CDK14: variants seen among roughly 807,000 people sequenced by gnomAD.
CDK14 encodes the protein cyclin-dependent kinase 14.
Under a neutral mutation model 60.7 loss-of-function variants are expected in CDK14, and 34 were observed. That is an observed-to-expected ratio of 0.56 (90% CI 0.43 to 0.75). CDK14 has a LOEUF of 0.75. Among genes scored for constraint, CDK14 ranks in the 30% least tolerant of loss-of-function variants. The probability of loss-of-function intolerance (pLI) is 0.00; values close to 1 mark genes in which losing one functional copy is unlikely to be tolerated. For missense variants in CDK14, 482 were observed against 564.1 expected (o/e 0.85, Z 1.47); for synonymous variants, 197 against 203.7 (o/e 0.97, Z 0.28).
chr7:90,675,982 A>G (rs1379415833), intron 2 of CDK14, among the ~76,000 whole-genome samples: 1 of 152,252 alleles, frequency 6.6e-6, no homozygotes, highest in Non-Finnish European at 1.5e-5. Flanking sequence ...ACTACAGTTC[A>G]TCAAGAAGGC....
intron 4 of CDK14, among the ~76,000 whole-genome samples, chr7:90,777,653 C>T (rs1020681320): frequency 6.6e-6 from 1 of 152,256 alleles, no homozygotes; most frequent in South Asian, 2.1e-4. Context: ...TGCAAAAGCT[C>T]GGCCCATCCC....
At chr7:91,089,075 CT>C (rs1279479639) in intron 12 of CDK14, among the ~76,000 whole-genome samples, 1 of 152,134 alleles carries the variant, frequency 6.6e-6, no homozygotes, top group African/African-American at 2.4e-5. Flanking sequence ...AAAGATTAAA[CT>C]TTTAGGGATA....
At position 91,063,901 on chromosome 7, in the gene CDK14, G is replaced by GT. The variant is rs201169521; in HGVS notation, c.1106-15523dup. Among the ~76,000 whole-genome samples the GT allele has an allele frequency of 7.7e-4, 117 of 151,912 alleles. 1 individual carries two copies. In the East Asian group the frequency reaches 0.02, roughly 26 times the overall value. ...TATTAATAGCTAACAGATACTGAGT[G>GT]TTTTTTTTATGTGTCAGGGACTTAT... On this transcript the variant is annotated intron_variant, in intron 11 of 14. Transcript: ENST00000380050.
At chr7:90,642,445 C>T (rs1800361057) in intron 2 of CDK14, among the ~76,000 whole-genome samples, 1 of 152,088 alleles carries the variant, frequency 6.6e-6, no homozygotes, top group Non-Finnish European at 1.5e-5. Flanking sequence ...AATTTCTATA[C>T]CTGCTAATTT....
At chr7:90,657,107 C>G (rs1217865164) in intron 2 of CDK14, among the ~76,000 whole-genome samples, 7 of 152,048 alleles carry the variant, frequency 4.6e-5, no homozygotes, top group Non-Finnish European at 1.0e-4. Context: ...ATTCCTGTTT[C>G]TCATTTATGT....
At chr7:90,864,414 T>G (rs151091946) in intron 6 of CDK14, among the ~76,000 whole-genome samples, 1 of 152,318 alleles carries the variant, frequency 6.6e-6, no homozygotes, top group Non-Finnish European at 1.5e-5. Flanking sequence ...TCCAGCTGAT[T>G]TAGACTTGGA....
At chr7:90,866,365 A>G (rs1467674320) in intron 6 of CDK14, among the ~76,000 whole-genome samples, 1 of 152,076 alleles carries the variant, frequency 6.6e-6, no homozygotes, top group Non-Finnish European at 1.5e-5. Context: ...AGAATTATTA[A>G]CATCAAAGAT....
intron 14 of CDK14, among the ~76,000 whole-genome samples, chr7:91,127,372 A>G (rs1163655021): frequency 6.6e-6 from 1 of 152,178 alleles, no homozygotes. Flanking sequence ...AATTGCGGCA[A>G]TTCGACAGAA....
intron 2 of CDK14, among the ~76,000 whole-genome samples, chr7:90,640,766 G>A (rs957577973): frequency 1.3e-5 from 2 of 151,806 alleles, no homozygotes; most frequent in South Asian, 4.2e-4. Context: ...ACCATTGAAA[G>A]CCTCTGTGGC....
intron 8 of CDK14, among the ~76,000 whole-genome samples, chr7:90,949,167 T>C (rs1794182645): frequency 1.3e-5 from 2 of 151,756 alleles, no homozygotes; most frequent in African/African-American, 4.9e-5. Context: ...ATTATATATA[T>C]GTGTGTGTGT....
chr7:90,610,623 T>G (rs1799520328), intron 2 of CDK14, among the ~76,000 whole-genome samples: 1 of 152,216 alleles, frequency 6.6e-6, no homozygotes, highest in Admixed American at 6.5e-5. Context: ...GTTGGTTCTT[T>G]CAGAGGACTG....
At position 90,668,699 on chromosome 7, in the gene CDK14, C is replaced by CTTTTTTTTTTTTTTTTTTTTT. The variant is rs59773768; in HGVS notation, c.124-57861_124-57841dup. Among the ~76,000 whole-genome samples the CTTTTTTTTTTTTTTTTTTTTT allele has an allele frequency of 6.9e-5, 6 of 87,536 alleles. 2 individuals are homozygous for CTTTTTTTTTTTTTTTTTTTTT. Among genetic ancestry groups the CTTTTTTTTTTTTTTTTTTTTT allele is most frequent in the Non-Finnish European group, 6.7e-5 (3 of 44,624 alleles). 57.4% of individuals were successfully genotyped at this position (87,536 alleles called of 152,430 possible). Reference sequence around the variant, plus strand: ...TATGGTGTAAGGAAGGACTCGCATTCTTTTTTTTTTTTTTTTTTTTTTTTT... The same window carrying CTTTTTTTTTTTTTTTTTTTTT: ...TATGGTGTAAGGAAGGACTCGCATTCTTTTTTTTTTTTTTTTTTTTTTTTTTTTTTTTTTTTTTTTTTTTTT... On this transcript the variant is annotated intron_variant, in intron 2 of 14. Transcript: ENST00000380050.
chr7:91,188,711 T>C (rs184538641), intron 14 of CDK14, among the ~76,000 whole-genome samples: 51 of 152,244 alleles, frequency 3.3e-4, no homozygotes, highest in Admixed American at 2.7e-3. Flanking sequence ...GAGAAACTAG[T>C]CATTGGATTA....
At chr7:91,055,168 A>G (rs536398993) in intron 11 of CDK14, among the ~76,000 whole-genome samples, 8 of 152,318 alleles carry the variant, frequency 5.3e-5, no homozygotes, top group African/African-American at 1.9e-4. Context: ...TTTTCCTCAT[A>G]GGTCCATAGC....
intron 2 of CDK14, among the ~76,000 whole-genome samples, chr7:90,690,759 A>T (rs1801536476): frequency 6.6e-6 from 1 of 152,146 alleles, no homozygotes; most frequent in Non-Finnish European, 1.5e-5. Flanking sequence ...AATTATTATG[A>T]ATTTAAAAAT....
intron 9 of CDK14, among the ~76,000 whole-genome samples, chr7:90,971,512 G>A (rs1387853195): frequency 6.6e-6 from 1 of 152,130 alleles, no homozygotes; most frequent in Non-Finnish European, 1.5e-5. Flanking sequence ...CTGGTGTTTT[G>A]TAGATAGAGA....
At chr7:90,929,127 C>T (rs558180687) in intron 8 of CDK14, among the ~76,000 whole-genome samples, 6 of 152,216 alleles carry the variant, frequency 3.9e-5, no homozygotes, top group African/African-American at 7.2e-5. Context: ...TTTTCTGTCA[C>T]GGCTTCTCTT....
intron 9 of CDK14, among the ~76,000 whole-genome samples, chr7:90,960,017 C>T (rs1794553994): frequency 6.6e-6 from 1 of 152,046 alleles, no homozygotes; most frequent in African/African-American, 2.4e-5. Context: ...ACCAAAAAGG[C>T]TTACTAAGTT....
intron 2 of CDK14, among the ~76,000 whole-genome samples, chr7:90,655,406 T>TA (rs1031312547): frequency 1.0e-4 from 15 of 148,676 alleles, no homozygotes; most frequent in Admixed American, 2.0e-4. Context: ...TCTATCGGTT[T>TA]AAAAAAAAAA....
Sources: gnomAD v4.1 joint callset for allele counts (sites outside exome capture counted in the v4.1 genomes callset) on GRCh38, gnomAD v4.1.1 for gene constraint, MANE v1.5 for transcripts, NCBI Gene and HGNC (gene_info 2026-07-23, HGNC 2026-07-21) for gene names.